Variants in GMEB1 observed in about 807,000 individuals in gnomAD.
GMEB1 encodes the protein glucocorticoid modulatory element-binding protein 1.
In GMEB1, 6 loss-of-function variants were observed where a neutral mutation model predicts 52.4. That is an observed-to-expected ratio of 0.11 (90% confidence interval 0.06 to 0.23). The LOEUF (loss-of-function observed/expected upper bound fraction) is 0.23. Ranked by LOEUF, GMEB1 falls within the 10% of genes least tolerant of loss-of-function variation. GMEB1 has a pLI of 1.00. For missense variants in GMEB1, 486 were observed against 685.6 expected (o/e 0.71, Z 3.25); for synonymous variants, 255 against 244.9 (o/e 1.04, Z -0.38).
chr1:28,679,621 T>C (rs762885801), intron 1 of GMEB1, among the ~76,000 whole-genome samples: 25 of 152,166 alleles, frequency 1.6e-4, no homozygotes, highest in Non-Finnish European at 2.9e-4. Flanking sequence ...TTGTTGCTCC[T>C]CATATCTAAG....
At chr1:28,697,942 A>C (rs940232041) in intron 6 of GMEB1, among the ~76,000 whole-genome samples, 5 of 152,070 alleles carry the variant, frequency 3.3e-5, no homozygotes, top group African/African-American at 1.2e-4. Flanking sequence ...GATTGAGACC[A>C]TCCTGGCTAA....
intron 1 of GMEB1, among the ~76,000 whole-genome samples, chr1:28,669,443 A>G (rs770028932): frequency 6.6e-6 from 1 of 152,040 alleles, no homozygotes; most frequent in Non-Finnish European, 1.5e-5. Context: ...GCGGGAGAGC[A>G]AGAGTACAGA....
intron 8 of GMEB1, 31 bp downstream of exon 8, chr1:28,704,360 AT>A: frequency 6.3e-7 from 1 of 1,591,272 alleles, no homozygotes; most frequent in Non-Finnish European, 8.6e-7. Context: ...AGTAGCAGTG[AT>A]TTATTGAATA....
chr1:28,688,247 C>T (rs1557505145), intron 2 of GMEB1, among the ~76,000 whole-genome samples: 1 of 152,200 alleles, frequency 6.6e-6, no homozygotes. Context: ...CGCGCCATTG[C>T]ACTCCAGCCT....
chr1:28,681,995 C>T (rs985963287), intron 1 of GMEB1, among the ~76,000 whole-genome samples: 3 of 152,078 alleles, frequency 2.0e-5, no homozygotes, highest in South Asian at 4.1e-4. Flanking sequence ...TGAGCCACCA[C>T]GCACGGCCCT....
chr1:28,679,787 G>A (rs1669313628), intron 1 of GMEB1, among the ~76,000 whole-genome samples: 1 of 151,612 alleles, frequency 6.6e-6, no homozygotes, highest in Non-Finnish European at 1.5e-5. Flanking sequence ...AAGGGGCCAG[G>A]CATGATGGCT....
At chr1:28,712,549 A>G (rs990423219) in intron 9 of GMEB1, among the ~76,000 whole-genome samples, 1 of 152,124 alleles carries the variant, frequency 6.6e-6, no homozygotes, top group African/African-American at 2.4e-5. Flanking sequence ...TGCCGGGCGC[A>G]GTGGCTCATG....
At chr1:28,677,240 T>C (rs1203410008) in intron 1 of GMEB1, among the ~76,000 whole-genome samples, 4 of 152,050 alleles carry the variant, frequency 2.6e-5, no homozygotes, top group Non-Finnish European at 1.5e-5. Context: ...AAATAAGGGA[T>C]GCATAATCTG....
At chr1:28,677,191 A>G (rs1368870518) in intron 1 of GMEB1, among the ~76,000 whole-genome samples, 2 of 152,220 alleles carry the variant, frequency 1.3e-5, no homozygotes, top group Non-Finnish European at 1.5e-5. Context: ...TTAAAAAAAA[A>G]AATCTGAAAT....
At chr1:28,670,408 A>G (rs1394047252) in intron 1 of GMEB1, among the ~76,000 whole-genome samples, 3 of 150,372 alleles carry the variant, frequency 2.0e-5, no homozygotes, top group Non-Finnish European at 3.0e-5. Flanking sequence ...GCTCACTGCA[A>G]CCTCCGCCTC....
In GMEB1 at chr1:28,719,111, T is replaced by C. The variant is rs79782361; in HGVS notation, c.*4338T>C. On this transcript the variant is annotated 3_prime_UTR_variant, in exon 10 of 10. Transcript: ENST00000373816. The stretch of plus-strand genomic sequence containing the variant: ...GTTTCCATCAGATGGGATCCAGTGT[T>C]GAATCCAGTGCAGGACTGGAGTCTA... The C allele has an allele frequency of 7.9e-5, 12 of 152,334 alleles. No homozygotes were observed. In the East Asian group the frequency reaches 1.9e-3, roughly 25 times the overall value. 9.4% of individuals were successfully genotyped at this position (152,334 alleles called of 1,614,324 possible).
rs1475215879 is a variant in GMEB1 at position 28,714,907 on chromosome 1, T to C, written c.*134T>C. On this transcript the variant is annotated 3_prime_UTR_variant, in exon 10 of 10. Transcript: ENST00000373816. ...AAAAACAAAATCTTATTGTTGTAAC[T>C]GAAAATGTTGGGTTCTTCCCACTCC... 2 of 689,710 alleles carry C rather than the reference T, an allele frequency of 2.9e-6. No homozygotes were observed. The highest frequency in any genetic ancestry group is 4.7e-6 in the Non-Finnish European group (2 of 424,140). The allele number at this position is 689,710 out of a possible 1,614,324, so 42.7% of individuals were successfully genotyped here.
In GMEB1 at chr1:28,718,837, G is replaced by A. The variant is rs538443763; in HGVS notation, c.*4064G>A. The stretch of plus-strand genomic sequence containing the variant: ...AACAAAGCATGAAGTGCCTAACCCA[G>A]CTTAGCGGTGTAGAGGTGGGGTCAG... On this transcript the variant is annotated 3_prime_UTR_variant, in exon 10 of 10. Coordinates refer to ENST00000373816, the MANE Select transcript of GMEB1 (RefSeq NM_001319674.2). The A allele has an allele frequency of 6.6e-6, 1 of 152,178 alleles. No homozygotes were observed. The highest frequency in any genetic ancestry group is 1.5e-5 in the Non-Finnish European group (1 of 68,042). The allele number at this position is 152,178 out of a possible 1,614,324, so 9.4% of individuals were successfully genotyped here.
intron 1 of GMEB1, among the ~76,000 whole-genome samples, chr1:28,671,084 CAG>C (rs1247526278): frequency 6.6e-6 from 1 of 152,132 alleles, no homozygotes; most frequent in African/African-American, 2.4e-5. Context: ...ATACTTCCCT[CAG>C]TGTTTCTGCA....
intron 2 of GMEB1, among the ~76,000 whole-genome samples, chr1:28,686,904 C>T (rs1296389005): frequency 6.6e-6 from 1 of 152,012 alleles, no homozygotes; most frequent in Non-Finnish European, 1.5e-5. Context: ...CAAGGGGAGA[C>T]AGACAGATAA....
At chr1:28,693,170 G>A (rs534183869) in intron 5 of GMEB1, 125 bp downstream of exon 5, 36 of 429,344 alleles carry the variant, frequency 8.4e-5, no homozygotes, top group African/African-American at 3.5e-4. Context: ...TGAGCAATCC[G>A]TGCATTATTT....
rs1158586234 is a variant in GMEB1, at chr1:28,717,989, T to G, written c.*3216T>G. 6.6e-6 allele frequency: 1 copy of G among 152,192 alleles called. No homozygotes were observed. Among genetic ancestry groups the G allele is most frequent in the Non-Finnish European group, 1.5e-5 (1 of 68,030 alleles). 9.4% of individuals were successfully genotyped at this position (152,192 alleles called of 1,614,324 possible). A position where few individuals can be genotyped will look rare whatever the true frequency, so the allele number is the denominator to read the frequency against. Reference sequence around the variant, plus strand: ...CTGGTGAAATACATGAGCTTTGTTGTTTTCCTGGTCTTCCAATAGCCTGTC... The same window carrying G: ...CTGGTGAAATACATGAGCTTTGTTGGTTTCCTGGTCTTCCAATAGCCTGTC... On this transcript the variant is annotated 3_prime_UTR_variant, in exon 10 of 10. Transcript: ENST00000373816.
Position 28,692,974 on chromosome 1 carries a change from T to C in GMEB1, c.369T>C (p.Phe123=). The stretch of plus-strand genomic sequence containing the variant: ...ATCAGTTGATCAGCCCCAAGCACTT[T>C]GTTCATCTGGCTGGCAAGTCCACTC... ...FNDQLISPKH[F]VHLAGKSTLK... is the part of the protein sequence containing the mutation. Residue 123 remains phenylalanine (F), a synonymous_variant, in exon 5 of 10, where the codon TTT becomes TTC. Transcript: ENST00000373816. 4 of 1,609,426 alleles carry C rather than the reference T, an allele frequency of 2.5e-6. No homozygotes were observed. Among genetic ancestry groups the C allele is most frequent in the African/African-American group, 1.3e-5 (1 of 74,862 alleles).
chr1:28,705,858 A>G (rs1188945076), intron 8 of GMEB1, among the ~76,000 whole-genome samples: 1 of 150,792 alleles, frequency 6.6e-6, no homozygotes, highest in East Asian at 2.0e-4. Flanking sequence ...TTGTTTTTAG[A>G]TTATTCTCAT....
Sources: allele counts gnomAD v4.1 joint callset (sites outside exome capture counted in the v4.1 genomes callset), GRCh38; gene constraint gnomAD v4.1.1; transcripts MANE v1.5; gene names NCBI Gene and HGNC (gene_info 2026-07-23, HGNC 2026-07-21).